The following LDB2 variants were observed in gnomAD, a reference collection of about 807,000 sequenced individuals.
LDB2 encodes LIM domain-binding protein 2.
LDB2 carries 12 observed loss-of-function variants against 44.3 expected under a neutral mutation model. The ratio of observed to expected loss-of-function variants is 0.27; its 90% CI spans 0.17 to 0.44. The LOEUF (loss-of-function observed/expected upper bound fraction) is 0.44, where lower values mean the gene tolerates loss of function less well. LDB2 is among the 20% of genes least tolerant of loss of function. LDB2 has a pLI of 1.00. For synonymous variants in LDB2, 164 were observed against 174.8 expected, an observed-to-expected ratio of 0.94 and a Z score of 0.49; for missense variants, 344 against 473.5, an observed-to-expected ratio of 0.73 and a Z score of 2.54.
intron 2 of LDB2, among the ~76,000 whole-genome samples, chr4:16,753,009 C>T (rs1244996526): frequency 6.6e-6 from 1 of 152,192 alleles, no homozygotes. Context: ...CCAGAGGAAC[C>T]TGTGCCTTTC....
chr4:16,627,891 A>G (rs913918524), intron 2 of LDB2, among the ~76,000 whole-genome samples: 1 of 152,188 alleles, frequency 6.6e-6, no homozygotes, highest in African/African-American at 2.4e-5. Context: ...ACTTGTGAGG[A>G]CTGGCCTGAA....
intron 5 of LDB2, among the ~76,000 whole-genome samples, chr4:16,554,592 C>T (rs980179401): frequency 2.0e-5 from 3 of 152,064 alleles, no homozygotes; most frequent in Admixed American, 6.5e-5. Context: ...CCATTCAGCA[C>T]TGAAAAGAAA....
At chr4:16,683,141 C>T (rs1379862132) in intron 2 of LDB2, among the ~76,000 whole-genome samples, 10 of 152,100 alleles carry the variant, frequency 6.6e-5, no homozygotes, top group Non-Finnish European at 1.0e-4. Context: ...CACCTCCCCC[C>T]GCAAAAAGTG....
At chr4:16,774,419 G>A (rs532320521) in intron 1 of LDB2, among the ~76,000 whole-genome samples, 1 of 152,036 alleles carries the variant, frequency 6.6e-6, no homozygotes, top group African/African-American at 2.4e-5. Flanking sequence ...TTTACATTAT[G>A]CCCAGTTCTT....
intron 2 of LDB2, among the ~76,000 whole-genome samples, chr4:16,694,781 CA>C (rs761332609): frequency 6.6e-6 from 1 of 152,342 alleles, no homozygotes; most frequent in Non-Finnish European, 1.5e-5. Flanking sequence ...GTGTAGCAAG[CA>C]CCTACCTTCC....
chr4:16,775,159 T>C (rs1015041028), intron 1 of LDB2, among the ~76,000 whole-genome samples: 1 of 152,208 alleles, frequency 6.6e-6, no homozygotes, highest in Non-Finnish European at 1.5e-5. Flanking sequence ...ATTTATAAAA[T>C]GGATATCATT....
intron 5 of LDB2, chr4:16,581,564 C>T (rs760326601): frequency 9.6e-5 from 27 of 279,794 alleles, no homozygotes; most frequent in Non-Finnish European, 1.4e-4. Flanking sequence ...CTCCCCAAGT[C>T]ACTAACACTC....
Position 16,864,998 on chromosome 4 carries a change from C to A in LDB2, c.132+33356G>T, listed in dbSNP as rs185801823. ...GTGTGGCTCACACCTATAATCCCAG[C>A]ACTTCGGGAGGCCGAAGTGGGCAGA... On this transcript the variant is annotated intron_variant, in intron 1 of 7. Coordinates refer to ENST00000304523, the MANE Select transcript of LDB2 (RefSeq NM_001290.5). Among the ~76,000 whole-genome samples the A allele has an allele frequency of 3.0e-3, 462 of 152,282 alleles. 1 individual carries two copies. The highest frequency in any genetic ancestry group is 5.2e-3 in the Non-Finnish European group (354 of 68,020).
chr4:16,891,301 A>ATTTTTT (rs1276936562), intron 1 of LDB2, among the ~76,000 whole-genome samples: 2 of 117,370 alleles, frequency 1.7e-5, no homozygotes, highest in South Asian at 2.8e-4. Context: ...AATCTTAAGT[A>ATTTTTT]TTCTTTTTTT....
At chr4:16,762,196 A>C (rs79558636) in intron 1 of LDB2, among the ~76,000 whole-genome samples, 1 of 148,554 alleles carries the variant, frequency 6.7e-6, no homozygotes, top group African/African-American at 2.5e-5. Context: ...ACCTGGTCTC[A>C]AAAAAAAAAT....
At chr4:16,843,618 CT>C (rs1010512018) in intron 1 of LDB2, among the ~76,000 whole-genome samples, 2 of 151,988 alleles carry the variant, frequency 1.3e-5, no homozygotes, top group African/African-American at 4.8e-5. Flanking sequence ...ATTTGTATTT[CT>C]TTTTTTTGTT....
At chr4:16,602,913 T>C (rs1170208412) in intron 2 of LDB2, among the ~76,000 whole-genome samples, 2 of 152,142 alleles carry the variant, frequency 1.3e-5, no homozygotes, top group East Asian at 3.9e-4. Flanking sequence ...TGTTTCCCCA[T>C]TGTCTGACAC....
chr4:16,519,658 C>T (rs764044170), intron 5 of LDB2, among the ~76,000 whole-genome samples: 30 of 149,394 alleles, frequency 2.0e-4, no homozygotes, highest in Non-Finnish European at 1.3e-4. Flanking sequence ...GGTTTTGGAA[C>T]CAGATTCATC....
At chr4:16,713,273 C>T (rs926973755) in intron 2 of LDB2, among the ~76,000 whole-genome samples, 31 of 152,254 alleles carry the variant, frequency 2.0e-4, no homozygotes, top group African/African-American at 7.5e-4. Flanking sequence ...GCTAGTTGCA[C>T]AACTCTGTAA....
At chr4:16,619,263 G>T (rs1728202687) in intron 2 of LDB2, among the ~76,000 whole-genome samples, 1 of 152,048 alleles carries the variant, frequency 6.6e-6, no homozygotes, top group Non-Finnish European at 1.5e-5. Flanking sequence ...AACTCCTCAA[G>T]GCTTACCCTA....
At chr4:16,829,597 C>T (rs1442347856) in intron 1 of LDB2, among the ~76,000 whole-genome samples, 2 of 152,102 alleles carry the variant, frequency 1.3e-5, no homozygotes, top group Admixed American at 1.3e-4. Context: ...AATTGAATCT[C>T]CCTGACCTCA....
At chr4:16,508,977 A>G (rs1291315424) in intron 6 of LDB2, among the ~76,000 whole-genome samples, 2 of 152,202 alleles carry the variant, frequency 1.3e-5, no homozygotes, top group Non-Finnish European at 1.5e-5. Context: ...GTATGTAACT[A>G]CAAGTACCAC....
chr4:16,643,362 T>A (rs892224192), intron 2 of LDB2, among the ~76,000 whole-genome samples: 14 of 152,186 alleles, frequency 9.2e-5, no homozygotes, highest in African/African-American at 3.4e-4. Flanking sequence ...AGATTCCTTA[T>A]CCATATCAAA....
At chr4:16,850,550 T>C (rs889178098) in intron 1 of LDB2, among the ~76,000 whole-genome samples, 8 of 152,304 alleles carry the variant, frequency 5.3e-5, no homozygotes, top group Admixed American at 2.0e-4. Context: ...GTTTCCCACA[T>C]TGTAGAAATT....
Sources: allele counts gnomAD v4.1 joint callset (sites outside exome capture counted in the v4.1 genomes callset), GRCh38; gene constraint gnomAD v4.1.1; transcripts MANE v1.5; gene names NCBI Gene and HGNC (gene_info 2026-07-23, HGNC 2026-07-21).